The following HERC5 variants were observed in gnomAD, a reference collection of about 807,000 sequenced individuals.
HERC5 encodes HECT and RLD domain containing E3 ubiquitin protein ligase 5.
A neutral mutation model predicts 119.6 loss-of-function variants in HERC5; 99 were observed. The observed-to-expected ratio is 0.83, with a 90% CI of 0.70 to 0.98. HERC5 has a LOEUF of 0.98. HERC5 is among the 50% of genes least tolerant of loss of function. The probability of loss-of-function intolerance (pLI) is 0.00; values close to 1 mark genes in which losing one functional copy is unlikely to be tolerated. For missense variants in HERC5, 1,267 were observed against 1,241.3 expected, an observed-to-expected ratio of 1.02 and a Z score of -0.31; for synonymous variants, 478 against 445.9, an observed-to-expected ratio of 1.07 and a Z score of -0.91.
chr4:88,470,807 A>G (rs1318998119), intron 10 of HERC5, 134 bp downstream of exon 10: 3 of 439,534 alleles, frequency 6.8e-6, no homozygotes, highest in East Asian at 7.5e-5. Context: ...AAGTAAATAT[A>G]TGTTTGCTGT....
At position 88,504,513 on chromosome 4, in the gene HERC5, G is replaced by A. The variant is rs771547733; in HGVS notation, c.2785G>A (p.Gly929Arg). The change falls in exon 22 of 23, where the codon GGA becomes AGA. Residue 929 changes from glycine to arginine, a missense_variant. Physicochemically the swap from Gly to Arg is moderately radical, Grantham distance 125. Around this residue, in one of 3 missense-constraint regions of HERC5, gnomAD observed 473 missense variants for 445.7 expected, o/e 1.06. Coordinates refer to ENST00000264350, the MANE Select transcript of HERC5 (RefSeq NM_016323.4). ...TFEKNARYEPGYNSSHPTIVM... is the reference protein window; with the variant it reads ...TFEKNARYEPRYNSSHPTIVM... ...TCTCTAGAATGCACGTTATGAACCA[G>A]GATATAACAGTTCACATCCCACCAT... 4.4e-6 allele frequency: 7 copies of A among 1,583,410 alleles called. No individual in the cohort carries two copies. In the East Asian group the frequency reaches 9.0e-5, roughly 20 times the overall value.
At chr4:88,496,194 T>C (rs1741791021) in intron 18 of HERC5, among the ~76,000 whole-genome samples, 1 of 152,174 alleles carries the variant, frequency 6.6e-6, no homozygotes, top group South Asian at 2.1e-4. Flanking sequence ...GGCCCAAGGA[T>C]TCCCAAGAAT....
chr4:88,468,453 C>G lies in HERC5; in HGVS notation c.1134+31C>G, dbSNP rs775766328. 4.1e-6 allele frequency: 6 copies of G among 1,470,588 alleles called. No individual in the cohort carries two copies. The South Asian group carries it at 7.2e-5, about 18-fold the overall frequency. The allele number at this position is 1,470,588 out of a possible 1,614,324, so 91.1% of individuals were successfully genotyped here. On this transcript the variant is annotated intron_variant, in intron 8 of 22. Coordinates refer to ENST00000264350, the MANE Select transcript of HERC5 (RefSeq NM_016323.4). Reference sequence around the variant, plus strand: ...AATAGATCTCCAGGTGTTCTATAACCTGGTATTTTAAGCAAAACTAAGGGT... The same window carrying G: ...AATAGATCTCCAGGTGTTCTATAACGTGGTATTTTAAGCAAAACTAAGGGT...
At chr4:88,480,715 G>C (rs1482179904) in intron 13 of HERC5, among the ~76,000 whole-genome samples, 1 of 152,064 alleles carries the variant, frequency 6.6e-6, no homozygotes, top group Non-Finnish European at 1.5e-5. Flanking sequence ...ATTTTTGATA[G>C]GAAATGATAC....
At chr4:88,459,746 A>C (rs1203940303) in intron 2 of HERC5, among the ~76,000 whole-genome samples, 1 of 152,164 alleles carries the variant, frequency 6.6e-6, no homozygotes, top group East Asian at 1.9e-4. Flanking sequence ...CTATAAGTTA[A>C]ATTTCTGGAA....
chr4:88,505,672 G>T lies in HERC5; in HGVS notation c.2870-1G>T. 6.7e-7 allele frequency: 1 copy of T among 1,490,222 alleles called. No individual in the cohort carries two copies. Among genetic ancestry groups the T allele is most frequent in the African/African-American group, 1.4e-5 (1 of 71,504 alleles). 92.3% of individuals were successfully genotyped at this position (1,490,222 alleles called of 1,614,324 possible). A position where few individuals can be genotyped will look rare whatever the true frequency, so the allele number is the denominator to read the frequency against. ...TTGCCTAATTTTATTCTTCTTTTTA[G>T]TATTTCTTACAGGAACTGACAGACT... On this transcript the variant is annotated splice_acceptor_variant, in intron 22 of 22. Coordinates refer to ENST00000264350, the MANE Select transcript of HERC5 (RefSeq NM_016323.4). LOFTEE classifies it high-confidence loss of function.
intron 1 of HERC5, among the ~76,000 whole-genome samples, 164 bp downstream of exon 1, chr4:88,457,698 C>G (rs1298608483): frequency 6.6e-6 from 1 of 152,224 alleles, no homozygotes; most frequent in Non-Finnish European, 1.5e-5. Context: ...CCTGAGCTGT[C>G]TTTTATCCCG....
chr4:88,493,114 A>T lies in HERC5; in HGVS notation c.2236A>T (p.Met746Leu). Residue 746 changes from methionine (M) to leucine (L), a missense_variant, in exon 17 of 23, where the codon ATG (methionine) becomes TTG (leucine). By Grantham distance (15) the Met-to-Leu change is conservative (BLOSUM62 2). Around this residue, in one of 3 missense-constraint regions of HERC5, gnomAD observed 473 missense variants for 445.7 expected, o/e 1.06. Transcript: ENST00000264350. ...GATCCAGCCGGAATATGGGATGTTC[A>T]TGTATCCTGAAGGGGCTTCCTGCAT... is the stretch of plus-strand genomic sequence containing the variant. ...EMIQPEYGMF[M>L]YPEGASCMWF... 29 of 1,614,078 alleles carry T rather than the reference A, an allele frequency of 1.8e-5. No homozygotes were observed. The highest frequency in any genetic ancestry group is 2.4e-5 in the Non-Finnish European group (28 of 1,179,986).
Position 88,470,612 on chromosome 4 carries a change from A to T in HERC5, c.1239-2A>T, listed in dbSNP as rs1345965781. On this transcript the variant is annotated splice_acceptor_variant, in intron 9 of 22. Transcript: ENST00000264350. LOFTEE classifies it high-confidence loss of function. Reference sequence around the variant, plus strand: ...TTAACCAGTGTCTTATTACTAATATAGGGAAATCCAAGAGATATTTTCATC... The same window carrying T: ...TTAACCAGTGTCTTATTACTAATATTGGGAAATCCAAGAGATATTTTCATC... 6.7e-7 allele frequency: 1 copy of T among 1,496,626 alleles called. No homozygotes were observed. 92.7% of individuals were successfully genotyped at this position (1,496,626 alleles called of 1,614,324 possible).
intron 16 of HERC5, 64 bp from the exon 17 acceptor site, chr4:88,492,948 T>TATA: frequency 6.7e-7 from 1 of 1,493,556 alleles, no homozygotes; most frequent in Admixed American, 1.9e-5. Flanking sequence ...TATTATTAAA[T>TATA]GAGACTTCAT....
intron 1 of HERC5, chr4:88,457,904 C>T: frequency 9.7e-7 from 1 of 1,035,358 alleles, no homozygotes; most frequent in South Asian, 4.6e-5. Context: ...AGAAAGTAGT[C>T]ACTGCTCCAA....
At position 88,470,688 on chromosome 4, in the gene HERC5, A is replaced by G; in HGVS notation, c.1298+15A>G. On this transcript the variant is annotated intron_variant, in intron 10 of 22. Transcript: ENST00000264350. ...TTAAGGAAAAGGTAATATATGTAAT[A>G]AATTAATTGTATTAAATTGTATTAA... 1 of 1,164,124 alleles carries G rather than the reference A, an allele frequency of 8.6e-7. No homozygotes were observed. The highest frequency in any genetic ancestry group is 1.3e-6 in the Non-Finnish European group (1 of 784,376). 72.1% of individuals were successfully genotyped at this position (1,164,124 alleles called of 1,614,324 possible).
intron 18 of HERC5, among the ~76,000 whole-genome samples, 189 bp downstream of exon 18, chr4:88,494,520 C>G (rs1435763901): frequency 1.3e-5 from 2 of 152,118 alleles, no homozygotes; most frequent in Non-Finnish European, 2.9e-5. Flanking sequence ...TTGATTATTC[C>G]CATAACTAGA....
intron 16 of HERC5, among the ~76,000 whole-genome samples, chr4:88,489,621 G>A (rs1741570276): frequency 6.6e-6 from 1 of 152,172 alleles, no homozygotes; most frequent in Non-Finnish European, 1.5e-5. Context: ...CCCTTCTGAG[G>A]TCTGGCCTAG....
At chr4:88,477,014 G>A (rs78443383) in intron 12 of HERC5, among the ~76,000 whole-genome samples, 25,795 of 146,558 alleles carry the variant, frequency 0.18, 2,427 homozygotes, top group East Asian at 0.26. Context: ...CAATATCTAG[G>A]TCATTCAAAT....
Position 88,457,479 on chromosome 4 carries a change from G to A in HERC5, c.210G>A (p.Gly70=). 7.6e-7 allele frequency: 1 copy of A among 1,323,738 alleles called. No individual in the cohort carries two copies. Among genetic ancestry groups the A allele is most frequent in the South Asian group, 2.2e-5 (1 of 46,460 alleles). The allele number at this position is 1,323,738 out of a possible 1,614,324, so 82.0% of individuals were successfully genotyped here. Reference sequence around the variant, plus strand: ...GCCTCGCGGTCTTGGAACGCGGCGGGGCGGGCGTCCAGGTTCACCAGCTGC... The same window carrying A: ...GCCTCGCGGTCTTGGAACGCGGCGGAGCGGGCGTCCAGGTTCACCAGCTGC... ...PGRLAVLERG[G]AGVQVHQLLA... is the part of the protein sequence containing the mutation. The change falls in exon 1 of 23, where the codon GGG becomes GGA. Residue 70 remains glycine (G), a synonymous_variant. Transcript: ENST00000264350.
At chr4:88,485,396 C>T (rs569604291) in intron 13 of HERC5, among the ~76,000 whole-genome samples, 3 of 152,144 alleles carry the variant, frequency 2.0e-5, no homozygotes, top group Non-Finnish European at 4.4e-5. Flanking sequence ...GCCATAGTTA[C>T]AGGGTGAAAC....
At position 88,476,738 on chromosome 4, in the gene HERC5, T is replaced by C. The variant is rs181611841; in HGVS notation, c.1582+708T>C. ...GAGTTCAAGACTAGCCTGGCCAACA[T>C]GACAAAACCCTGACTCTACTAAAAA... On this transcript the variant is annotated intron_variant, in intron 12 of 22. Coordinates refer to ENST00000264350, the MANE Select transcript of HERC5 (RefSeq NM_016323.4). Among the ~76,000 whole-genome samples the C allele has an allele frequency of 1.7e-3, 266 of 152,090 alleles. 3 individuals are homozygous for C. Among genetic ancestry groups the C allele is most frequent in the African/African-American group, 6.2e-3 (258 of 41,486 alleles).
At chr4:88,501,948 G>A (rs1210417708) in intron 20 of HERC5, among the ~76,000 whole-genome samples, 3 of 151,916 alleles carry the variant, frequency 2.0e-5, no homozygotes, top group Non-Finnish European at 2.9e-5. Context: ...ACAGGCGCCC[G>A]CCACCACGCC....
Sources: gnomAD v4.1 joint callset for allele counts (sites outside exome capture counted in the v4.1 genomes callset) on GRCh38, gnomAD v4.1.1 for gene constraint, gnomAD v4.1.1 regional missense constraint, MANE v1.5 for transcripts, NCBI Gene and HGNC (gene_info 2026-07-23, HGNC 2026-07-21) for gene names.